Variants in NAA25 observed in about 807,000 individuals in gnomAD.
NAA25 encodes N-terminal acetyltransferase B complex subunit NAA25.
Under a neutral mutation model 132.5 loss-of-function variants are expected in NAA25, and 30 were observed. The observed-to-expected ratio is 0.23, with a 90% CI of 0.17 to 0.31. The LOEUF (loss-of-function observed/expected upper bound fraction) is 0.31, where lower values mean the gene tolerates loss of function less well. NAA25 is among the 10% of genes least tolerant of loss of function. NAA25 has a pLI of 1.00. For missense variants in NAA25, 771 were observed against 1,150.4 expected, an observed-to-expected ratio of 0.67 and a Z score of 4.77; for synonymous variants, 359 against 401.9, an observed-to-expected ratio of 0.89 and a Z score of 1.28.
chr12:112,072,100 C>T, intron 9 of NAA25, 36 bp from the exon 10 acceptor site: 1 of 1,515,952 alleles, frequency 6.6e-7, no homozygotes, highest in Non-Finnish European at 8.9e-7. Context: ...ATTTTATTGC[C>T]TCTATTGTCC....
rs190048720 is a variant in NAA25, at chr12:112,060,486, A to T, written c.1358-127T>A. The T allele has an allele frequency of 8.7e-4, 544 of 624,882 alleles. 1 individual carries two copies. In the African/African-American group the frequency reaches 9.3e-3, roughly 11 times the overall value. The allele number at this position is 624,882 out of a possible 1,614,324, so 38.7% of individuals were successfully genotyped here. ...AAAGTAAAAGAAAATTAAGAATAAG[A>T]TAAGTACCAGGAGAAAAATATAAGC... On this transcript the variant is annotated intron_variant, in intron 12 of 23. Transcript: ENST00000261745.
At chr12:112,061,156 C>G in intron 12 of NAA25, 25 bp downstream of exon 12, 2 of 1,504,354 alleles carry the variant, frequency 1.3e-6, no homozygotes, top group Non-Finnish European at 1.8e-6. Flanking sequence ...CAGGGAACTA[C>G]TGCACATTTT....
At chr12:112,040,417 G>A in intron 21 of NAA25, 64 bp downstream of exon 21, 1 of 1,023,946 alleles carries the variant, frequency 9.8e-7, no homozygotes, top group South Asian at 1.4e-5. Context: ...GTTCACTGTT[G>A]AAAAATGAAT....
intron 17 of NAA25, among the ~76,000 whole-genome samples, chr12:112,044,526 C>T (rs1363925919): frequency 6.6e-6 from 1 of 151,422 alleles, no homozygotes; most frequent in Non-Finnish European, 1.5e-5. Flanking sequence ...AAAAATTAGC[C>T]GGGCGTGGTG....
At chr12:112,105,465 G>A (rs531367553) in intron 1 of NAA25, among the ~76,000 whole-genome samples, 5 of 152,212 alleles carry the variant, frequency 3.3e-5, no homozygotes, top group South Asian at 4.1e-4. Flanking sequence ...TTTCAAAAAC[G>A]AAAAATGCAA....
intron 11 of NAA25, among the ~76,000 whole-genome samples, chr12:112,064,824 C>T (rs1033188558): frequency 6.6e-6 from 1 of 151,404 alleles, no homozygotes; most frequent in East Asian, 2.0e-4. Context: ...CACTTGAGGT[C>T]GGGAGTTCGA....
At chr12:112,094,122 T>C (rs1174017116) in intron 1 of NAA25, among the ~76,000 whole-genome samples, 1 of 150,318 alleles carries the variant, frequency 6.7e-6, no homozygotes, top group African/African-American at 2.5e-5. Context: ...GCTCCTGCAG[T>C]CCCAGCTACT....
chr12:112,033,839 T>C (rs996529487), intron 22 of NAA25: 8 of 151,700 alleles, frequency 5.3e-5, no homozygotes, highest in African/African-American at 1.9e-4. Flanking sequence ...CATTATTATG[T>C]TAAGAACCCA....
At position 112,071,902 on chromosome 12, in the gene NAA25, G is replaced by A. The variant is rs144704230; in HGVS notation, c.1029C>T (p.Tyr343=). The A allele has an allele frequency of 3.5e-5, 57 of 1,612,978 alleles. No homozygotes were observed. In the African/African-American group the frequency reaches 6.5e-4, roughly 19 times the overall value. ...RLRSQGCNDE[Y]KLGDPEELMF... ...GATATCATGGTTTCTTACCCAGTTT[G>A]TACTCATCGTTACAACCTTGACTTC... The change falls in exon 10 of 24, where the codon TAC becomes TAT. Residue 343 remains tyrosine (Y), a synonymous_variant. Transcript: ENST00000261745.
intron 10 of NAA25, among the ~76,000 whole-genome samples, chr12:112,070,441 A>C (rs2078788099): frequency 6.6e-6 from 1 of 152,124 alleles, no homozygotes; most frequent in Non-Finnish European, 1.5e-5. Flanking sequence ...TTCTTTTGTC[A>C]ATAGTTTTGT....
intron 22 of NAA25, among the ~76,000 whole-genome samples, chr12:112,036,958 C>A (rs2078231918): frequency 6.6e-6 from 1 of 151,726 alleles, no homozygotes; most frequent in Non-Finnish European, 1.5e-5. Context: ...AGCAGTGAAC[C>A]CCAATAGCAA....
intron 15 of NAA25, among the ~76,000 whole-genome samples, chr12:112,053,145 A>T (rs1855209651): frequency 6.6e-6 from 1 of 152,256 alleles, no homozygotes; most frequent in Admixed American, 6.5e-5. Flanking sequence ...TTTGGCAAAG[A>T]GCACAATGGA....
At chr12:112,038,046 C>T (rs903374366) in intron 22 of NAA25, among the ~76,000 whole-genome samples, 1 of 152,108 alleles carries the variant, frequency 6.6e-6, no homozygotes. Context: ...CGGAGTCTCG[C>T]TCTGTCATCC....
intron 3 of NAA25, among the ~76,000 whole-genome samples, chr12:112,089,090 T>C (rs529259066): frequency 1.3e-5 from 2 of 152,316 alleles, no homozygotes; most frequent in East Asian, 3.9e-4. Flanking sequence ...TTAGGTTTTA[T>C]CTTTTGTAAA....
chr12:112,074,595 T>C, intron 9 of NAA25, 80 bp downstream of exon 9: 2 of 736,400 alleles, frequency 2.7e-6, no homozygotes, highest in East Asian at 2.8e-5. Context: ...AAAAAGAGAA[T>C]TCAATTGGCT....
chr12:112,057,583 A>G (rs565188144), intron 13 of NAA25, among the ~76,000 whole-genome samples: 1 of 152,282 alleles, frequency 6.6e-6, no homozygotes, highest in South Asian at 2.1e-4. Context: ...GGCCAGGTGC[A>G]GTAGCTCATG....
intron 1 of NAA25, among the ~76,000 whole-genome samples, chr12:112,097,726 G>A (rs999930098): frequency 6.6e-6 from 1 of 152,064 alleles, no homozygotes; most frequent in African/African-American, 2.4e-5. Flanking sequence ...TTACGGGTGA[G>A]GCTAATGAAC....
chr12:112,061,096 C>G (rs1240571671), intron 12 of NAA25, 85 bp downstream of exon 12: 2 of 1,027,248 alleles, frequency 1.9e-6, no homozygotes, highest in Non-Finnish European at 2.9e-6. Context: ...CTCATTAAAA[C>G]AGGGTGCTAC....
At chr12:112,060,563 A>T (rs1056974754) in intron 12 of NAA25, among the ~76,000 whole-genome samples, 1 of 152,214 alleles carries the variant, frequency 6.6e-6, no homozygotes, top group Admixed American at 6.5e-5. Context: ...CTGGAACAGA[A>T]GGTAGGGTTC....
Sources: allele counts gnomAD v4.1 joint callset (sites outside exome capture counted in the v4.1 genomes callset), GRCh38; gene constraint gnomAD v4.1.1; transcripts MANE v1.5; gene names NCBI Gene and HGNC (gene_info 2026-07-23, HGNC 2026-07-21).